CRHR2: variants seen among roughly 807,000 people sequenced by gnomAD.
CRHR2 encodes the protein corticotropin-releasing hormone receptor 2.
CRHR2 carries 53 observed loss-of-function variants against 57.9 expected under a neutral mutation model. The observed-to-expected ratio is 0.92, with a 90% confidence interval of 0.73 to 1.15. The LOEUF (loss-of-function observed/expected upper bound fraction) is 1.15. Among genes scored for constraint, CRHR2 ranks in the 50% most tolerant of loss-of-function variants. The probability of loss-of-function intolerance (pLI) is 0.00; values close to 1 mark genes in which losing one functional copy is unlikely to be tolerated. For missense variants in CRHR2, 532 were observed against 542.6 expected (o/e 0.98, Z 0.19); for synonymous variants, 213 against 220.9 (o/e 0.96, Z 0.32).
chr7:30,675,400 C>T (rs1784485805), intron 2 of CRHR2, among the ~76,000 whole-genome samples: 1 of 152,240 alleles, frequency 6.6e-6, no homozygotes, highest in East Asian at 1.9e-4. Context: ...AGGGCCAAGG[C>T]CCAGGTCCCC....
chr7:30,655,965 C>G lies in CRHR2; in HGVS notation c.879G>C (p.Lys293Asn), dbSNP rs1350639018. 1 of 1,613,492 alleles carries G rather than the reference C, an allele frequency of 6.2e-7. No homozygotes were observed. The highest frequency in any genetic ancestry group is 1.3e-5 in the African/African-American group (1 of 74,944). The change falls in exon 9 of 12, where the codon AAG becomes AAC. Residue 293 changes from lysine (K) to asparagine (N), a missense_variant. Transcript: ENST00000471646. ...LFNIVRILMT[K>N]LRASTTSETI... ...TCTCGGATGTGGTGGACGCGCGTAACTTTGTCATTAGGATCCTGACGATGT... is the reference window on the plus strand; with the variant it reads ...TCTCGGATGTGGTGGACGCGCGTAAGTTTGTCATTAGGATCCTGACGATGT...
upstream of CRHR2, chr7:30,682,582 C>G (rs999871444): frequency 1.9e-6 from 2 of 1,075,760 alleles, no homozygotes; most frequent in African/African-American, 3.3e-5. Flanking sequence ...AGTCTCCAGC[C>G]CCCGGGCCCT....
At chr7:30,667,064 G>A (rs1784208816) in intron 3 of CRHR2, among the ~76,000 whole-genome samples, 164 bp downstream of exon 3, 1 of 152,218 alleles carries the variant, frequency 6.6e-6, no homozygotes. Context: ...CCCCTACAGT[G>A]TCACTAAGCA....
intron 1 of CRHR2, among the ~76,000 whole-genome samples, chr7:30,695,635 G>A: frequency 6.6e-6 from 1 of 152,166 alleles, no homozygotes; most frequent in Admixed American, 6.5e-5. Flanking sequence ...TTGGCCTAAA[G>A]CTATCTCCTT....
chr7:30,684,950 G>A (rs1784825490), upstream of CRHR2, among the ~76,000 whole-genome samples: 1 of 152,212 alleles, frequency 6.6e-6, no homozygotes, highest in Non-Finnish European at 1.5e-5. Flanking sequence ...AGAGGCTTTG[G>A]GATAGTGATG....
At chr7:30,664,075 C>T (rs1784103094) in intron 5 of CRHR2, among the ~76,000 whole-genome samples, 1 of 152,182 alleles carries the variant, frequency 6.6e-6, no homozygotes, top group Non-Finnish European at 1.5e-5. Flanking sequence ...TGATGATGTT[C>T]TATTAGCACA....
At chr7:30,682,596 C>A, upstream of CRHR2, 2 of 944,242 alleles carry the variant, frequency 2.1e-6, no homozygotes, top group Admixed American at 5.2e-5. Flanking sequence ...GGGCCCTCCA[C>A]CCTGCCCAAA....
chr7:30,664,425 C>G (rs1784112490), intron 5 of CRHR2, among the ~76,000 whole-genome samples: 1 of 152,170 alleles, frequency 6.6e-6, no homozygotes, highest in South Asian at 2.1e-4. Flanking sequence ...TCTCAGTTTC[C>G]ATGTCTATGT....
At chr7:30,662,611 G>A in intron 6 of CRHR2, 83 bp downstream of exon 6, 1 of 1,535,240 alleles carries the variant, frequency 6.5e-7, no homozygotes, top group Non-Finnish European at 8.8e-7. Context: ...GCCAGGCTCT[G>A]GTCCTTGGAC....
chr7:30,663,728 G>A (rs1784094296), intron 5 of CRHR2, among the ~76,000 whole-genome samples: 1 of 152,220 alleles, frequency 6.6e-6, no homozygotes, highest in Admixed American at 6.5e-5. Context: ...GGGCTTCCAG[G>A]CCAGAGCTCC....
chr7:30,678,625 C>T (rs1190133385), intron 2 of CRHR2, among the ~76,000 whole-genome samples: 1 of 146,118 alleles, frequency 6.8e-6, no homozygotes, highest in Non-Finnish European at 1.5e-5. Flanking sequence ...TTCTAAACGC[C>T]TTATCTCCAC....
At chr7:30,674,078 C>T (rs938998654) in intron 2 of CRHR2, among the ~76,000 whole-genome samples, 3 of 152,180 alleles carry the variant, frequency 2.0e-5, no homozygotes, top group Non-Finnish European at 2.9e-5. Context: ...CCTCAACTCC[C>T]TATTTCCACA....
At chr7:30,671,086 C>T (rs1784338117) in intron 2 of CRHR2, among the ~76,000 whole-genome samples, 1 of 152,206 alleles carries the variant, frequency 6.6e-6, no homozygotes, top group South Asian at 2.1e-4. Flanking sequence ...TATATTCTAG[C>T]TGTAGTTTTG....
At chr7:30,660,252 C>T (rs550701996) in intron 8 of CRHR2, among the ~76,000 whole-genome samples, 1 of 152,344 alleles carries the variant, frequency 6.6e-6, no homozygotes, top group East Asian at 1.9e-4. Context: ...CACCAGCTGC[C>T]TGCTCACCTG....
In CRHR2 at chr7:30,656,408, C is replaced by T. The variant is rs899377084; in HGVS notation, c.832-396G>A. ...TGTTGACTGCGGGGCTCTCTGAGTC[C>T]CTTGCACTGTCACTGGCTCTAGGTC... On this transcript the variant is annotated intron_variant, in intron 8 of 11. Transcript: ENST00000471646. This position sits in a 1 kb window ranked among gnomAD's most constrained non-coding sequence, Gnocchi z 4.4. 6.6e-6 allele frequency among the ~76,000 whole-genome samples: 1 copy of T among 152,206 alleles called. No homozygotes were observed. Among genetic ancestry groups the T allele is most frequent in the African/African-American group, 2.4e-5 (1 of 41,450 alleles).
chr7:30,682,496 T>C, upstream of CRHR2: 1 of 1,298,878 alleles, frequency 7.7e-7, no homozygotes, highest in Non-Finnish European at 9.7e-7. Flanking sequence ...TGCACGGAGC[T>C]GCGGGTACAG....
At chr7:30,699,010 G>T (rs114198542) in intron 1 of CRHR2, among the ~76,000 whole-genome samples, 1,856 of 152,244 alleles carry the variant, frequency 0.012, 29 homozygotes, top group African/African-American at 0.034. Flanking sequence ...ATACGTATAG[G>T]GACACTAAGC....
At chr7:30,686,458 C>T, upstream of CRHR2, 1 of 1,530,430 alleles carries the variant, frequency 6.5e-7, no homozygotes, top group Non-Finnish European at 8.7e-7. Flanking sequence ...ATTTGACCAA[C>T]CCTGGCATAT....
intron 1 of CRHR2, among the ~76,000 whole-genome samples, chr7:30,692,810 A>G (rs982639126): frequency 9.2e-5 from 14 of 152,196 alleles, no homozygotes; most frequent in Admixed American, 6.5e-5. Context: ...TTCACAGATG[A>G]GGCTGCTGAG....
Sources: allele counts gnomAD v4.1 joint callset (sites outside exome capture counted in the v4.1 genomes callset), GRCh38; gene constraint gnomAD v4.1.1; non-coding constraint Gnocchi (gnomAD v3.1); transcripts MANE v1.5; gene names NCBI Gene and HGNC (gene_info 2026-07-23, HGNC 2026-07-21).